OC90: variants seen among roughly 807,000 people sequenced by gnomAD.
OC90 encodes otoconin 90.
A neutral mutation model predicts 47.3 loss-of-function variants in OC90; 46 were observed. That is an observed-to-expected ratio of 0.97 (90% CI 0.77 to 1.24). The LOEUF is 1.24. Among genes scored for constraint, OC90 ranks in the 50% most tolerant of loss-of-function variants. OC90 has a pLI of 0.00. For synonymous variants in OC90, 271 were observed against 219.5 expected (o/e 1.23, Z -2.07); for missense variants, 688 against 583.9 (o/e 1.18, Z -1.84).
intron 2 of OC90, chr8:132,049,793 A>C (rs777996504): frequency 1.9e-6 from 1 of 516,086 alleles, no homozygotes; most frequent in Non-Finnish European, 3.9e-6. Context: ...CAAACCACTT[A>C]ATGAACAATT....
intron 11 of OC90, 28 bp from the exon 12 acceptor site, chr8:132,032,080 G>A (rs1246338891): frequency 1.1e-5 from 18 of 1,606,830 alleles, no homozygotes; most frequent in Non-Finnish European, 1.4e-5. Flanking sequence ...TGTCAGGAGA[G>A]CAAGGACTGT....
At chr8:132,029,768 T>A (rs1435642124) in intron 12 of OC90, among the ~76,000 whole-genome samples, 1 of 152,230 alleles carries the variant, frequency 6.6e-6, no homozygotes, top group Non-Finnish European at 1.5e-5. Context: ...TCTTTGTATA[T>A]CCACCCATCT....
chr8:132,042,478 C>T (rs1233255028), intron 4 of OC90, among the ~76,000 whole-genome samples: 1 of 152,112 alleles, frequency 6.6e-6, no homozygotes, highest in African/African-American at 2.4e-5. Flanking sequence ...ATCCCCTCAC[C>T]CAGGCAGCAA....
chr8:132,028,652 A>AAGAG (rs1822810497), intron 13 of OC90, among the ~76,000 whole-genome samples: 2 of 55,062 alleles, frequency 3.6e-5, no homozygotes, highest in African/African-American at 1.2e-4. Flanking sequence ...GGAAGGAAGG[A>AAGAG]AGAAAGAAAG....
chr8:132,028,555 AAAGAAAGAAAGGAAGG>A (rs1394915316), intron 13 of OC90, among the ~76,000 whole-genome samples: 15 of 16,518 alleles, frequency 9.1e-4, no homozygotes, highest in Non-Finnish European at 1.5e-3. Flanking sequence ...AGAAAGAAAG[AAAGAAAGAAAGGAAGG>A]AAGGAAGGAA....
At position 132,041,645 on chromosome 8, in the gene OC90, A is replaced by T. The variant is rs1303812591; in HGVS notation, c.224T>A (p.Val75Glu). 1 of 1,607,318 alleles carries T rather than the reference A, an allele frequency of 6.2e-7. No homozygotes were observed. The highest frequency in any genetic ancestry group is 8.5e-7 in the Non-Finnish European group (1 of 1,176,658). Residue 75 changes from valine (V) to glutamate (E), a missense_variant, in exon 5 of 14, where the codon GTG (valine) becomes GAG (glutamate). By Grantham distance (121) the Val-to-Glu change is moderately radical. Transcript: ENST00000254627. ...CATACCATTGACAAACTGGATCAGC[A>T]CAGGGAAATTGGTGAAGACAGCCTG... The part of the protein sequence containing the change: ...WLQAVFTNFP[V>E]LIQFVNGMKC...
At position 132,041,641 on chromosome 8, in the gene OC90, C is replaced by A; in HGVS notation, c.228G>T (p.Leu76=). The A allele has an allele frequency of 6.2e-7, 1 of 1,610,906 alleles. No individual in the cohort carries two copies. The highest frequency in any genetic ancestry group is 8.5e-7 in the Non-Finnish European group (1 of 1,179,066). Residue 76 remains leucine (L), a synonymous_variant, in exon 5 of 14, where the codon CTG becomes CTT. Coordinates refer to ENST00000254627, the MANE Select transcript of OC90 (RefSeq NM_001080399.3). The part of the protein sequence containing the change: ...LQAVFTNFPV[L]IQFVNGMKCV... ...ACTTCATACCATTGACAAACTGGAT[C>A]AGCACAGGGAAATTGGTGAAGACAG...
chr8:132,026,299 T>C (rs943782498), intron 13 of OC90, among the ~76,000 whole-genome samples: 1 of 152,210 alleles, frequency 6.6e-6, no homozygotes, highest in Non-Finnish European at 1.5e-5. Flanking sequence ...TAAGGGATTT[T>C]TTTGGCATCT....
intron 6 of OC90, among the ~76,000 whole-genome samples, chr8:132,040,543 AACC>A (rs1255339924): frequency 5.3e-5 from 8 of 152,098 alleles, no homozygotes; most frequent in Admixed American, 5.2e-4. Context: ...TCTTACTGGC[AACC>A]ACCACCGCAC....
In OC90 at chr8:132,037,459, G is replaced by A. The variant is rs1243904996; in HGVS notation, c.658C>T (p.Leu220=). The A allele has an allele frequency of 1.3e-6, 2 of 1,583,662 alleles. No individual in the cohort carries two copies. Among genetic ancestry groups the A allele is most frequent in the African/African-American group, 1.3e-5 (1 of 74,428 alleles). Residue 220 remains leucine (L), a synonymous_variant, in exon 9 of 14, where the codon CTG becomes TTG. Transcript: ENST00000254627. ...TCACCTTCTCCTGAAAGGGCTGTCA[G>A]GCTGGTGTCTGTGGGCTCCACAGGA... is the stretch of plus-strand genomic sequence containing the variant. ...VVPVEPTDTS[L]TALSGEEAGH...
intron 12 of OC90, among the ~76,000 whole-genome samples, chr8:132,031,039 C>T (rs1822866511): frequency 3.3e-5 from 5 of 152,170 alleles, no homozygotes; most frequent in South Asian, 4.2e-4. Flanking sequence ...TCTCCATTGG[C>T]CGTGGACAGG....
chr8:132,051,109 T>G (rs980301551), intron 2 of OC90, among the ~76,000 whole-genome samples: 3 of 152,162 alleles, frequency 2.0e-5, no homozygotes, highest in Non-Finnish European at 2.9e-5. Flanking sequence ...TTTAAAGAGA[T>G]CTAAAGATGA....
intron 6 of OC90, among the ~76,000 whole-genome samples, chr8:132,040,154 A>G (rs1248329034): frequency 1.3e-5 from 2 of 151,910 alleles, no homozygotes; most frequent in South Asian, 2.1e-4. Flanking sequence ...CCTCCCCTCA[A>G]TTCCTCCTTG....
intron 4 of OC90, among the ~76,000 whole-genome samples, chr8:132,043,771 A>C (rs559658824): frequency 6.6e-6 from 1 of 152,232 alleles, no homozygotes; most frequent in African/African-American, 2.4e-5. Flanking sequence ...ATTTATGTAA[A>C]TATGCATTTT....
chr8:132,048,011 C>T (rs1420204469), intron 2 of OC90, among the ~76,000 whole-genome samples: 1 of 152,192 alleles, frequency 6.6e-6, no homozygotes, highest in East Asian at 1.9e-4. Flanking sequence ...GGTCCATTTG[C>T]CCTTCCGCAC....
rs187198792 is a variant in OC90, at chr8:132,053,275, C to T, written c.46+1706G>A. ...TGTTGCAATGATCTGTTTATGTAACCATTTCCCCCACTAAACTAGGGACTT... is the reference window on the plus strand; with the variant it reads ...TGTTGCAATGATCTGTTTATGTAACTATTTCCCCCACTAAACTAGGGACTT... On this transcript the variant is annotated intron_variant, in intron 2 of 13. Transcript: ENST00000254627. Among the ~76,000 whole-genome samples the T allele has an allele frequency of 3.2e-3, 490 of 152,254 alleles. 2 individuals are homozygous for T. The highest frequency in any genetic ancestry group is 0.014 in the Middle Eastern group (4 of 294).
chr8:132,031,741 A>T, intron 12 of OC90, 140 bp downstream of exon 12: 1 of 663,600 alleles, frequency 1.5e-6, no homozygotes, highest in Non-Finnish European at 2.6e-6. Context: ...CTGTAGAGCC[A>T]CCTGAGTGAG....
intron 2 of OC90, among the ~76,000 whole-genome samples, chr8:132,048,017 C>T (rs562885353): frequency 2.5e-4 from 38 of 152,300 alleles, no homozygotes; most frequent in African/African-American, 7.0e-4. Context: ...TTTGCCCTTC[C>T]GCACTTCTTT....
intron 10 of OC90, among the ~76,000 whole-genome samples, chr8:132,034,257 C>T (rs1822920729): frequency 6.6e-6 from 1 of 152,212 alleles, no homozygotes; most frequent in Non-Finnish European, 1.5e-5. Flanking sequence ...CTTCACCTCT[C>T]TAAATCTTAA....
Sources: allele counts gnomAD v4.1 joint callset (sites outside exome capture counted in the v4.1 genomes callset), GRCh38; gene constraint gnomAD v4.1.1; transcripts MANE v1.5; gene names NCBI Gene and HGNC (gene_info 2026-07-23, HGNC 2026-07-21).